STYX: variants seen among roughly 807,000 people sequenced by gnomAD.
STYX encodes serine/threonine/tyrosine interacting protein.
In STYX, 20 loss-of-function variants were observed where a neutral mutation model predicts 42.7. The observed-to-expected ratio is 0.47, with a 90% CI of 0.33 to 0.68. The LOEUF (loss-of-function observed/expected upper bound fraction) is 0.68, where lower values mean the gene tolerates loss of function less well. STYX is among the 30% of genes least tolerant of loss of function. STYX has a pLI of 0.02. For missense variants in STYX, 226 were observed against 268.5 expected (o/e 0.84, Z 1.11); for synonymous variants, 78 against 81.9 (o/e 0.95, Z 0.26).
At chr14:52,754,397 G>T (rs71407607) in intron 4 of STYX, among the ~76,000 whole-genome samples, 1 of 142,324 alleles carries the variant, frequency 7.0e-6, no homozygotes, top group Non-Finnish European at 1.5e-5. Context: ...TTTTTTTCTA[G>T]AGATGGGGTT....
Position 52,774,841 on chromosome 14 carries a change from G to C in STYX, c.*3735G>C, listed in dbSNP as rs954740876. 9 of 152,102 alleles carry C rather than the reference G, an allele frequency of 5.9e-5. No homozygotes were observed. The highest frequency in any genetic ancestry group is 1.3e-4 in the Admixed American group (2 of 15,262). 9.4% of individuals were successfully genotyped at this position (152,102 alleles called of 1,614,324 possible). On this transcript the variant is annotated 3_prime_UTR_variant, in exon 11 of 11. Coordinates refer to ENST00000354586, the MANE Select transcript of STYX (RefSeq NM_145251.4). ...TATACACAATTGCTTAAGTTACTCT[G>C]CTTTTAACATTTGTACTTGGATAAA... is the stretch of plus-strand genomic sequence containing the variant.
At chr14:52,763,520 G>T (rs561882882) in intron 9 of STYX, among the ~76,000 whole-genome samples, 42 of 152,226 alleles carry the variant, frequency 2.8e-4, no homozygotes, top group African/African-American at 9.1e-4. Context: ...GCATGCTGCA[G>T]ATTCTCATCT....
chr14:52,741,782 T>C (rs1026421866), intron 1 of STYX, among the ~76,000 whole-genome samples: 3 of 152,160 alleles, frequency 2.0e-5, no homozygotes, highest in African/African-American at 7.2e-5. Flanking sequence ...TATTTCTACA[T>C]ATTCTGTGTT....
intron 1 of STYX, among the ~76,000 whole-genome samples, chr14:52,742,486 G>A (rs1881230157): frequency 6.6e-6 from 1 of 152,102 alleles, no homozygotes; most frequent in Non-Finnish European, 1.5e-5. Flanking sequence ...ATCTAGTAAA[G>A]CCAAACATAG....
intron 9 of STYX, among the ~76,000 whole-genome samples, chr14:52,766,231 A>G (rs889873043): frequency 9.2e-5 from 14 of 152,168 alleles, no homozygotes; most frequent in African/African-American, 3.4e-4. Context: ...CAATGGGGCA[A>G]TCTTGGCTCA....
At chr14:52,745,282 A>AG (rs1881354264) in intron 2 of STYX, among the ~76,000 whole-genome samples, 1 of 151,950 alleles carries the variant, frequency 6.6e-6, no homozygotes, top group Non-Finnish European at 1.5e-5. Context: ...CACCACACCC[A>AG]GCTAATTTTG....
At chr14:52,766,348 G>A (rs1167329167) in intron 9 of STYX, among the ~76,000 whole-genome samples, 2 of 152,072 alleles carry the variant, frequency 1.3e-5, no homozygotes, top group Non-Finnish European at 2.9e-5. Flanking sequence ...TGTATTTTTT[G>A]TAGAGAGACA....
At chr14:52,749,495 A>G (rs1419974158) in intron 3 of STYX, among the ~76,000 whole-genome samples, 1 of 152,232 alleles carries the variant, frequency 6.6e-6, no homozygotes, top group Non-Finnish European at 1.5e-5. Context: ...TTCTCATGCC[A>G]TCGTGACTTG....
At chr14:52,733,669 G>A (rs893029233) in intron 1 of STYX, among the ~76,000 whole-genome samples, 1 of 152,136 alleles carries the variant, frequency 6.6e-6, no homozygotes, top group Non-Finnish European at 1.5e-5. Context: ...AAAGATCAGT[G>A]AACAGCCAGT....
chr14:52,739,319 T>G (rs897394529), intron 1 of STYX, among the ~76,000 whole-genome samples: 4 of 150,612 alleles, frequency 2.7e-5, no homozygotes, highest in Non-Finnish European at 5.9e-5. Flanking sequence ...TGTTGCCCTG[T>G]TTTTTTTTCT....
At chr14:52,762,325 T>C (rs1380775373) in intron 9 of STYX, among the ~76,000 whole-genome samples, 4 of 152,248 alleles carry the variant, frequency 2.6e-5, no homozygotes, top group African/African-American at 9.6e-5. Flanking sequence ...TGATATGTCC[T>C]TTAGAAGTTT....
At chr14:52,740,087 G>A (rs890581430) in intron 1 of STYX, among the ~76,000 whole-genome samples, 2 of 152,102 alleles carry the variant, frequency 1.3e-5, no homozygotes, top group Non-Finnish European at 2.9e-5. Context: ...GACCAACCTG[G>A]CCAAGATGGT....
At chr14:52,754,239 A>G (rs116326145) in intron 4 of STYX, among the ~76,000 whole-genome samples, 3 of 149,074 alleles carry the variant, frequency 2.0e-5, no homozygotes, top group African/African-American at 7.4e-5. Flanking sequence ...CAAAGATAGG[A>G]TCTTTCTCTG....
At chr14:52,755,769 C>T (rs1236719369) in intron 4 of STYX, among the ~76,000 whole-genome samples, 3 of 150,116 alleles carry the variant, frequency 2.0e-5, no homozygotes, top group East Asian at 3.9e-4. Context: ...CCATACCTTC[C>T]GTTTTTATTT....
rs1303559992 is a variant in STYX, at chr14:52,750,720, T to C, written c.182T>C (p.Ile61Thr). 1 of 1,595,302 alleles carries C rather than the reference T, an allele frequency of 6.3e-7. No individual in the cohort carries two copies. Residue 61 changes from isoleucine to threonine, a missense_variant, in exon 4 of 11, where the codon ATA becomes ACA. Ile to Thr is a moderately conservative substitution (Grantham distance 89, BLOSUM62 -1). Coordinates refer to ENST00000354586, the MANE Select transcript of STYX (RefSeq NM_145251.4). ...CAGAAACATGGAATAACCCATATAA[T>C]ATGCATACGACAAAATATTGAAGCA... ...VLQKHGITHI[I>T]CIRQNIEANF...
intron 9 of STYX, among the ~76,000 whole-genome samples, chr14:52,760,166 C>T (rs913417946): frequency 6.6e-6 from 1 of 152,098 alleles, no homozygotes; most frequent in Non-Finnish European, 1.5e-5. Flanking sequence ...TGTGCCTTTG[C>T]ACTCCAGCCT....
At chr14:52,756,071 G>A (rs2139916048) in intron 4 of STYX, among the ~76,000 whole-genome samples, 1 of 152,284 alleles carries the variant, frequency 6.6e-6, no homozygotes, top group East Asian at 1.9e-4. Flanking sequence ...CCAGGCTGGA[G>A]TGCAGTGGCC....
At chr14:52,738,092 G>T (rs1305713151) in intron 1 of STYX, among the ~76,000 whole-genome samples, 17 of 152,132 alleles carry the variant, frequency 1.1e-4, no homozygotes, top group Middle Eastern at 3.2e-3. Context: ...CAGGTTTAAG[G>T]TTTGTTCTGT....
At chr14:52,767,527 C>G (rs1226028297) in intron 9 of STYX, among the ~76,000 whole-genome samples, 1 of 151,878 alleles carries the variant, frequency 6.6e-6, no homozygotes. Flanking sequence ...TGAGTAAGAC[C>G]TAACTGGTTC....
Sources: gnomAD v4.1 joint callset for allele counts (sites outside exome capture counted in the v4.1 genomes callset) on GRCh38, gnomAD v4.1.1 for gene constraint, MANE v1.5 for transcripts, NCBI Gene and HGNC (gene_info 2026-07-23, HGNC 2026-07-21) for gene names.